Variants in ESRRB observed in about 807,000 individuals in gnomAD.
The protein encoded by ESRRB is estrogen related receptor beta.
A neutral mutation model predicts 46.0 loss-of-function variants in ESRRB; 16 were observed. That is an observed-to-expected ratio of 0.35 (90% confidence interval 0.24 to 0.53). The LOEUF is 0.53. Among genes scored for constraint, ESRRB ranks in the 20% least tolerant of loss-of-function variants. The pLI, the probability that ESRRB is intolerant of heterozygous loss-of-function variation, is 0.93. For missense variants in ESRRB, 488 were observed against 607.4 expected (o/e 0.80, Z 2.07); for synonymous variants, 246 against 259.6 (o/e 0.95, Z 0.50).
At chr14:76,392,077 T>C (rs1040161204) in intron 1 of ESRRB, among the ~76,000 whole-genome samples, 2 of 152,246 alleles carry the variant, frequency 1.3e-5, no homozygotes, top group African/African-American at 4.8e-5. Context: ...CTTTCTGTTC[T>C]GTGTAACTGC....
Position 76,357,084 on chromosome 14 carries a change from A to G in ESRRB, c.2+46168A>G, listed in dbSNP as rs563043642. On this transcript the variant is annotated intron_variant, in intron 1 of 6. Transcript: ENST00000512784. ...TAGCCCAGCTAATGGAGGATAATCT[A>G]CTAGTATCCGCCACTCCTCCCCAAT... Among the ~76,000 whole-genome samples the G allele has an allele frequency of 2.6e-5, 4 of 151,858 alleles. No homozygotes were observed. The East Asian group carries it at 7.8e-4, about 29-fold the overall frequency.
At chr14:76,449,452 G>A (rs1888287651) in intron 2 of ESRRB, among the ~76,000 whole-genome samples, 1 of 152,054 alleles carries the variant, frequency 6.6e-6, no homozygotes, top group Non-Finnish European at 1.5e-5. Context: ...TTGGGAGGCT[G>A]AGGTACAAGA....
At chr14:76,330,429 C>T (rs559621273) in intron 1 of ESRRB, among the ~76,000 whole-genome samples, 60 of 152,288 alleles carry the variant, frequency 3.9e-4, no homozygotes, top group African/African-American at 1.3e-3. Context: ...ACTCAAAGAC[C>T]CCCCAACCCA....
At chr14:76,350,804 T>C (rs1389041164) in intron 1 of ESRRB, among the ~76,000 whole-genome samples, 3 of 152,062 alleles carry the variant, frequency 2.0e-5, no homozygotes, top group Non-Finnish European at 4.4e-5. Context: ...CACAGCTTGA[T>C]GGACTAGCAG....
intron 1 of ESRRB, among the ~76,000 whole-genome samples, chr14:76,415,694 T>A (rs1326887058): frequency 6.6e-6 from 1 of 152,008 alleles, no homozygotes; most frequent in Non-Finnish European, 1.5e-5. Context: ...TAAATAGAGA[T>A]GGGGGTCTCA....
chr14:76,322,714 G>T (rs1477711770), intron 1 of ESRRB, among the ~76,000 whole-genome samples: 1 of 152,172 alleles, frequency 6.6e-6, no homozygotes, highest in African/African-American at 2.4e-5. Context: ...TCCACTGCCA[G>T]GCTTTCTCAT....
At chr14:76,393,573 C>G (rs1885552987) in intron 1 of ESRRB, among the ~76,000 whole-genome samples, 1 of 152,182 alleles carries the variant, frequency 6.6e-6, no homozygotes, top group South Asian at 2.1e-4. Context: ...AGAGCAGTCA[C>G]AGAACACAGA....
intron 5 of ESRRB, among the ~76,000 whole-genome samples, chr14:76,485,652 AGAGAG>A (rs879587821): frequency 2.1e-4 from 31 of 150,540 alleles, no homozygotes; most frequent in African/African-American, 2.2e-4. Flanking sequence ...AGAGAGAGAG[AGAGAG>A]AGAAAGAAAG....
chr14:76,470,601 G>A (rs1241125922), intron 3 of ESRRB, among the ~76,000 whole-genome samples: 2 of 152,236 alleles, frequency 1.3e-5, no homozygotes, highest in East Asian at 3.8e-4. Context: ...CTGGGACGCT[G>A]TGTACCCAGC....
At chr14:76,315,231 G>A (rs1186496763) in intron 1 of ESRRB, among the ~76,000 whole-genome samples, 1 of 151,300 alleles carries the variant, frequency 6.6e-6, no homozygotes, top group Non-Finnish European at 1.5e-5. Context: ...GGCTTTCGAG[G>A]TCCTCGCCTG....
chr14:76,491,430 GCCC>G lies in ESRRB; in HGVS notation c.851-14_851-12del, dbSNP rs772173793. On this transcript the variant is annotated splice_polypyrimidine_tract_variant and intron_variant, in intron 5 of 6. Transcript: ENST00000644823. ...CTCCTGACCTGCTGCTGCCCTCTGT[GCCC>G]CCTCTTCCTGCAGGCTTCTCAAGCC... The G allele has an allele frequency of 7.5e-6, 12 of 1,606,702 alleles. No homozygotes were observed. Among genetic ancestry groups the G allele is most frequent in the Non-Finnish European group, 1.0e-5 (12 of 1,177,706 alleles).
intron 1 of ESRRB, among the ~76,000 whole-genome samples, chr14:76,345,160 G>A (rs1390021834): frequency 1.3e-5 from 2 of 152,158 alleles, no homozygotes; most frequent in Non-Finnish European, 2.9e-5. Context: ...AAACCCAAAA[G>A]CAAATGCAAT....
intron 1 of ESRRB, among the ~76,000 whole-genome samples, chr14:76,425,889 A>G (rs1887177187): frequency 6.6e-6 from 1 of 151,888 alleles, no homozygotes; most frequent in South Asian, 2.1e-4. Context: ...ACGCCCAGCT[A>G]ATTTTGGGAG....
chr14:76,343,021 A>G (rs1016941080), intron 1 of ESRRB, among the ~76,000 whole-genome samples: 4 of 152,232 alleles, frequency 2.6e-5, no homozygotes, highest in Admixed American at 2.6e-4. Flanking sequence ...GAAGGGATCC[A>G]GAAGATCCCC....
intron 6 of ESRRB, among the ~76,000 whole-genome samples, chr14:76,497,467 C>T (rs148085885): frequency 3.9e-5 from 6 of 152,312 alleles, no homozygotes; most frequent in Non-Finnish European, 5.9e-5. Flanking sequence ...AGGTGCCTCC[C>T]TGCCGTGCTG....
Position 76,499,731 on chromosome 14 carries a change from G to A in ESRRB, c.*1273G>A. 1 of 804,760 alleles carries A rather than the reference G, an allele frequency of 1.2e-6. No individual in the cohort carries two copies. Among genetic ancestry groups the A allele is most frequent in the Non-Finnish European group, 2.2e-6 (1 of 461,500 alleles). 49.9% of individuals were successfully genotyped at this position (804,760 alleles called of 1,614,324 possible). ...TAACCAACCGTCTTGGTTTGTCCAG[G>A]ACGTTTCTTTATCCCAGGAAACTCC... On this transcript the variant is annotated 3_prime_UTR_variant, in exon 7 of 7. Transcript: ENST00000644823.
chr14:76,366,613 G>A (rs900760134), upstream of ESRRB, among the ~76,000 whole-genome samples: 3 of 152,146 alleles, frequency 2.0e-5, no homozygotes, highest in Non-Finnish European at 2.9e-5. Flanking sequence ...GTGAAGGGGA[G>A]ATGGTCGCCC....
chr14:76,373,965 A>G (rs746379058), upstream of ESRRB, among the ~76,000 whole-genome samples: 12 of 152,170 alleles, frequency 7.9e-5, no homozygotes, highest in Non-Finnish European at 1.2e-4. Flanking sequence ...CAGACCATGA[A>G]GAGGACCTTA....
At chr14:76,413,607 T>C (rs1886533608) in intron 1 of ESRRB, among the ~76,000 whole-genome samples, 1 of 152,210 alleles carries the variant, frequency 6.6e-6, no homozygotes, top group Non-Finnish European at 1.5e-5. Flanking sequence ...TGTGTGACCC[T>C]ATCGTATTGC....
Sources: allele counts gnomAD v4.1 joint callset (sites outside exome capture counted in the v4.1 genomes callset), GRCh38; gene constraint gnomAD v4.1.1; transcripts MANE v1.5; gene names NCBI Gene and HGNC (gene_info 2026-07-23, HGNC 2026-07-21).